STARD3: variants seen among roughly 807,000 people sequenced by gnomAD.
STARD3 encodes StAR related lipid transfer domain containing 3.
A neutral mutation model predicts 62.0 loss-of-function variants in STARD3; 39 were observed. The observed-to-expected ratio is 0.63, with a 90% confidence interval of 0.49 to 0.82. The LOEUF (loss-of-function observed/expected upper bound fraction) is 0.82. Among genes scored for constraint, STARD3 ranks in the 40% least tolerant of loss-of-function variants. The probability of loss-of-function intolerance (pLI) is 0.00; values close to 1 mark genes in which losing one functional copy is unlikely to be tolerated. For synonymous variants in STARD3, 229 were observed against 242.4 expected (o/e 0.94, Z 0.51); for missense variants, 543 against 584.5 (o/e 0.93, Z 0.73).
At position 39,654,543 on chromosome 17, in the gene STARD3, C is replaced by T. The variant is rs543713437; in HGVS notation, c.219+793C>T. Among the ~76,000 whole-genome samples, 8 of 151,546 alleles carry T rather than the reference C, an allele frequency of 5.3e-5. No individual in the cohort carries two copies. The South Asian group carries it at 1.7e-3, about 32-fold the overall frequency. Reference sequence around the variant, plus strand: ...ACCCCCACCCCACGCAGTGCTTGGCCCACCCTCAGGAACACAGTCTAGTTG... The same window carrying T: ...ACCCCCACCCCACGCAGTGCTTGGCTCACCCTCAGGAACACAGTCTAGTTG... On this transcript the variant is annotated intron_variant, in intron 2 of 14. Coordinates refer to ENST00000336308, the MANE Select transcript of STARD3 (RefSeq NM_006804.4).
rs1278240757 is a variant in STARD3 at position 39,657,779 on chromosome 17, T to G, written c.302T>G (p.Leu101Arg). 6.2e-7 allele frequency: 1 copy of G among 1,614,192 alleles called. No homozygotes were observed. Among genetic ancestry groups the G allele is most frequent in the Non-Finnish European group, 8.5e-7 (1 of 1,180,006 alleles). ...FKTSFFDIFV[L>R]AFFRFSGLLL... is the part of the protein sequence containing the mutation. ...CTTGCTCCCGTCCCCCACCAGGTCCTGGCCTTCTTCCGCTTCTCTGGACTG... is the reference window on the plus strand; with the variant it reads ...CTTGCTCCCGTCCCCCACCAGGTCCGGGCCTTCTTCCGCTTCTCTGGACTG... The change falls in exon 4 of 15, where the codon CTG (leucine) becomes CGG (arginine). Residue 101 changes from leucine (L) to arginine (R), a missense_variant. Transcript: ENST00000336308.
chr17:39,660,575 C>T lies in STARD3; in HGVS notation c.954+49C>T, dbSNP rs770023533. The T allele has an allele frequency of 1.6e-5, 25 of 1,592,178 alleles. No individual in the cohort carries two copies. The highest frequency in any genetic ancestry group is 4.0e-5 in the African/African-American group (3 of 74,448). On this transcript the variant is annotated intron_variant, in intron 11 of 14. Coordinates refer to ENST00000336308, the MANE Select transcript of STARD3 (RefSeq NM_006804.4). The surrounding 1 kb of genome is among the most constrained non-coding windows in gnomAD (Gnocchi z 4.8). ...TAAGGCACAGATGGGGGCACAGCCA[C>T]GCCTCAGTGGGATCACTGAAGCACT...
At chr17:39,661,256 CTCTG>C (rs1597801354) in intron 13 of STARD3, 171 bp downstream of exon 13, 1 of 640,962 alleles carries the variant, frequency 1.6e-6, no homozygotes, top group East Asian at 2.8e-5. Flanking sequence ...AATCTTGCTG[CTCTG>C]TCTGTGGAGA....
At chr17:39,659,378 T>C (rs1021315152) in intron 8 of STARD3, 83 bp from the exon 9 acceptor site, 1 of 1,352,174 alleles carries the variant, frequency 7.4e-7, no homozygotes, top group African/African-American at 1.4e-5. Context: ...AAGCATGTGG[T>C]ATGTCTAGAG....
At chr17:39,637,330 C>T (rs1490445359) in intron 1 of STARD3, 99 bp downstream of exon 1, 3 of 152,310 alleles carry the variant, frequency 2.0e-5, no homozygotes, top group Non-Finnish European at 4.4e-5. Flanking sequence ...TGGGTTCCGT[C>T]CGACCCTTCC....
chr17:39,659,154 G>A, intron 8 of STARD3, 48 bp downstream of exon 8: 1 of 1,612,486 alleles, frequency 6.2e-7, no homozygotes, highest in South Asian at 1.1e-5. Flanking sequence ...TGGGTGCCTG[G>A]AGGAGGGCGG....
intron 1 of STARD3, among the ~76,000 whole-genome samples, chr17:39,649,199 A>G (rs2057054307): frequency 6.6e-6 from 1 of 152,230 alleles, no homozygotes; most frequent in Admixed American, 6.5e-5. Context: ...GCATTCTTGT[A>G]CATTGCTAGT....
At chr17:39,652,382 G>C (rs2057086202) in intron 1 of STARD3, 1 of 152,262 alleles carries the variant, frequency 6.6e-6, no homozygotes, top group African/African-American at 2.4e-5. Flanking sequence ...AGCCCGTGAG[G>C]CCATGGAGTT....
Position 39,643,125 on chromosome 17 carries a change from C to A in STARD3, c.-52+5894C>A, listed in dbSNP as rs2056995573. ...AAAGAGTGGCAGGTAGAGGTGATAG[C>A]CTGGACAGGGTGACATAGTGGTAGG... On this transcript the variant is annotated intron_variant, in intron 1 of 14. Transcript: ENST00000336308. 2.0e-5 allele frequency among the ~76,000 whole-genome samples: 3 copies of A among 151,956 alleles called. No individual in the cohort carries two copies. The South Asian group carries it at 6.2e-4, about 31-fold the overall frequency.
Position 39,652,273 on chromosome 17 carries a change from A to G in STARD3, c.-51-1208A>G, listed in dbSNP as rs528948376. ...CATGGAGCTGAGGGCCAGGAGACCT[A>G]CTGAGCATTCATTTATTCAACAATC... On this transcript the variant is annotated intron_variant, in intron 1 of 14. Coordinates refer to ENST00000336308, the MANE Select transcript of STARD3 (RefSeq NM_006804.4). Among the ~76,000 whole-genome samples, 6 of 152,320 alleles carry G rather than the reference A, an allele frequency of 3.9e-5. No individual in the cohort carries two copies. In the South Asian group the frequency reaches 6.2e-4, roughly 16 times the overall value.
chr17:39,646,225 A>G (rs928649108), intron 1 of STARD3, among the ~76,000 whole-genome samples: 7 of 151,916 alleles, frequency 4.6e-5, no homozygotes, highest in Admixed American at 2.6e-4. Flanking sequence ...AATATACATA[A>G]CATAAAACTT....
rs1286896999 is a variant in STARD3, at chr17:39,660,973, T to C, written c.1035-8T>C. 5.0e-6 allele frequency: 8 copies of C among 1,613,436 alleles called. No individual in the cohort carries two copies. Among genetic ancestry groups the C allele is most frequent in the Middle Eastern group, 1.6e-4 (1 of 6,082 alleles). ...CATTGTCCCCTGAACTAACCCTCCC[T>C]CCCGCAGGGACTTCGTGAATGTCCG... On this transcript the variant is annotated splice_region_variant and splice_polypyrimidine_tract_variant and intron_variant, in intron 12 of 14. Coordinates refer to ENST00000336308, the MANE Select transcript of STARD3 (RefSeq NM_006804.4). This position sits in a 1 kb window ranked among gnomAD's most constrained non-coding sequence, Gnocchi z 4.8.
In STARD3 at chr17:39,660,902, C is replaced by T. The variant is rs371535711; in HGVS notation, c.1034+13C>T. 4.4e-5 allele frequency: 70 copies of T among 1,604,836 alleles called. No individual in the cohort carries two copies. Among genetic ancestry groups the T allele is most frequent in the African/African-American group, 3.2e-4 (24 of 74,864 alleles). ...TGGTCTCCCCAAGGTGAGTCCATGCCGGGCCCCCTCCTTTCAGCCAGGTCT... is the reference window on the plus strand; with the variant it reads ...TGGTCTCCCCAAGGTGAGTCCATGCTGGGCCCCCTCCTTTCAGCCAGGTCT... On this transcript the variant is annotated intron_variant, in intron 12 of 14. Transcript: ENST00000336308. The surrounding 1 kb of genome is among the most constrained non-coding windows in gnomAD (Gnocchi z 4.8).
rs1352779591 is a variant in STARD3 at position 39,660,658 on chromosome 17, G to A, written c.954+132G>A. 1 of 1,347,436 alleles carries A rather than the reference G, an allele frequency of 7.4e-7. No individual in the cohort carries two copies. Among genetic ancestry groups the A allele is most frequent in the Non-Finnish European group, 1.0e-6 (1 of 957,774 alleles). The allele number at this position is 1,347,436 out of a possible 1,614,324, so 83.5% of individuals were successfully genotyped here. On this transcript the variant is annotated intron_variant, in intron 11 of 14. Transcript: ENST00000336308. This position sits in a 1 kb window ranked among gnomAD's most constrained non-coding sequence, Gnocchi z 4.8. ...TGTGATGGTAACAGTGCCTGCTCGG[G>A]AGGGTCGGGAGGAGGGCAGGAGGAG...
intron 1 of STARD3, among the ~76,000 whole-genome samples, chr17:39,645,275 C>A (rs766714045): frequency 6.6e-6 from 1 of 152,186 alleles, no homozygotes; most frequent in African/African-American, 2.4e-5. Flanking sequence ...CCTCTGCCTG[C>A]AGCTGGATAA....
intron 5 of STARD3, 172 bp from the exon 6 acceptor site, chr17:39,658,233 T>C (rs1359692862): frequency 1.2e-6 from 1 of 832,988 alleles, no homozygotes; most frequent in Non-Finnish European, 1.9e-6. Context: ...CAGAAGGTTC[T>C]TTCTCCAGCC....
Position 39,660,080 on chromosome 17 carries a change from G to A in STARD3, c.796-131G>A. 1 of 836,912 alleles carries A rather than the reference G, an allele frequency of 1.2e-6. No individual in the cohort carries two copies. The highest frequency in any genetic ancestry group is 1.5e-5 in the South Asian group (1 of 67,848). 51.8% of individuals were successfully genotyped at this position (836,912 alleles called of 1,614,324 possible). On this transcript the variant is annotated intron_variant, in intron 9 of 14. Coordinates refer to ENST00000336308, the MANE Select transcript of STARD3 (RefSeq NM_006804.4). The surrounding 1 kb of genome is among the most constrained non-coding windows in gnomAD (Gnocchi z 4.8). Reference sequence around the variant, plus strand: ...GCTACTGTTTTGTAACAGCTGCTCAGGTGTCCCCAAACTCCTGGAGTTTTC... The same window carrying A: ...GCTACTGTTTTGTAACAGCTGCTCAAGTGTCCCCAAACTCCTGGAGTTTTC...
intron 1 of STARD3, among the ~76,000 whole-genome samples, chr17:39,647,825 T>C (rs759830630): frequency 2.0e-5 from 3 of 152,216 alleles, no homozygotes; most frequent in Non-Finnish European, 4.4e-5. Context: ...TATTACTCTT[T>C]TAAATGTTTC....
rs368208825 is a variant in STARD3 at position 39,660,810 on chromosome 17, A to G, written c.955A>G (p.Ile319Val). 3.6e-5 allele frequency: 57 copies of G among 1,580,336 alleles called. No individual in the cohort carries two copies. The highest frequency in any genetic ancestry group is 4.7e-5 in the Non-Finnish European group (55 of 1,163,154). Residue 319 changes from isoleucine (I) to valine (V), a missense_variant and splice_region_variant, in exon 12 of 15, where the codon ATC becomes GTC. By Grantham distance (29) the Ile-to-Val change is conservative. Coordinates refer to ENST00000336308, the MANE Select transcript of STARD3 (RefSeq NM_006804.4). The surrounding 1 kb of genome is among the most constrained non-coding windows in gnomAD (Gnocchi z 4.8). ...LWNKTVTACQ[I>V]LQRVEDNTLI... ...AAAAGTCTCCGTTGACGGCCCTCAG[A>G]TCCTGCAGCGAGTGGAAGACAACAC...
Sources: allele counts gnomAD v4.1 joint callset (sites outside exome capture counted in the v4.1 genomes callset), GRCh38; gene constraint gnomAD v4.1.1; non-coding constraint Gnocchi (gnomAD v3.1); transcripts MANE v1.5; gene names NCBI Gene and HGNC (gene_info 2026-07-23, HGNC 2026-07-21).